Variants in ASCC2 observed in about 807,000 individuals in gnomAD.
ASCC2 encodes activating signal cointegrator 1 complex subunit 2.
In ASCC2, 42 loss-of-function variants were observed where a neutral mutation model predicts 93.5. That is an observed-to-expected ratio of 0.45 (90% CI 0.35 to 0.58). ASCC2 has a LOEUF of 0.58. ASCC2 is among the 20% of genes least tolerant of loss of function. The pLI is 0.00. For missense variants in ASCC2, 859 were observed against 977.6 expected, an observed-to-expected ratio of 0.88 and a Z score of 1.62; for synonymous variants, 364 against 384.2, an observed-to-expected ratio of 0.95 and a Z score of 0.62.
chr22:29,831,258 A>G (rs943534468), intron 2 of ASCC2, among the ~76,000 whole-genome samples: 7 of 152,236 alleles, frequency 4.6e-5, no homozygotes, highest in Non-Finnish European at 4.4e-5. Context: ...GCTTTATAGC[A>G]GAAAGAATTT....
chr22:29,836,854 C>T (rs6006274), intron 1 of ASCC2, among the ~76,000 whole-genome samples: 46,644 of 152,126 alleles, frequency 0.31, 8,347 homozygotes, highest in East Asian at 0.58. Flanking sequence ...CCCGGCCATT[C>T]AAATATTTTT....
In ASCC2 at chr22:29,833,636, C is replaced by T. The variant is rs745925462; in HGVS notation, c.-17-1294G>A. The T allele has an allele frequency of 5.9e-5, 28 of 470,914 alleles. 1 individual carries two copies. Among genetic ancestry groups the T allele is most frequent in the Admixed American group, 4.2e-4 (18 of 42,550 alleles). 29.2% of individuals were successfully genotyped at this position (470,914 alleles called of 1,614,324 possible). ...TGGCCTGACCCACAGAAGGGACATA[C>T]GTGTTAAATGAATCACGGAATAGAA... On this transcript the variant is annotated intron_variant, in intron 1 of 19. Coordinates refer to ENST00000307790, the MANE Select transcript of ASCC2 (RefSeq NM_032204.5).
intron 4 of ASCC2, among the ~76,000 whole-genome samples, chr22:29,822,870 C>T (rs755105918): frequency 4.0e-5 from 6 of 151,416 alleles, no homozygotes; most frequent in Non-Finnish European, 7.4e-5. Flanking sequence ...CAGGCACGTG[C>T]CACAACGCCT....
At chr22:29,791,078 A>C (rs1351184520) in intron 18 of ASCC2, among the ~76,000 whole-genome samples, 1 of 152,152 alleles carries the variant, frequency 6.6e-6, no homozygotes, top group Non-Finnish European at 1.5e-5. Flanking sequence ...CAGTAGCTTT[A>C]AAAAGGAAAA....
At chr22:29,816,097 GA>G in intron 5 of ASCC2, 24 bp from the exon 6 acceptor site, 1 of 1,567,128 alleles carries the variant, frequency 6.4e-7, no homozygotes, top group Non-Finnish European at 8.7e-7. Context: ...AGAAAGGTTG[GA>G]ATTGAGAAAA....
intron 8 of ASCC2, among the ~76,000 whole-genome samples, chr22:29,811,418 T>C (rs545395535): frequency 6.6e-6 from 1 of 152,304 alleles, no homozygotes; most frequent in Non-Finnish European, 1.5e-5. Flanking sequence ...ACCATGTGAA[T>C]GTGTTATTTA....
At position 29,814,752 on chromosome 22, in the gene ASCC2, G is replaced by C. The variant is rs758044097; in HGVS notation, c.625C>G (p.Leu209Val). ...TCCCCTTGCAAACCACAGTGCTGGA[G>C]GATATTGCTGAAGACCTGTGAAAGA... Reference protein sequence around the residue: ...PTILQVFSNILQHCGLQGDGA... With the variant: ...PTILQVFSNIVQHCGLQGDGA... Residue 209 changes from leucine (L) to valine (V), a missense_variant, in exon 7 of 20, where the codon CTC becomes GTC. Transcript: ENST00000307790. 8.1e-6 allele frequency: 13 copies of C among 1,610,896 alleles called. No individual in the cohort carries two copies. In the East Asian group the frequency reaches 2.7e-4, roughly 33 times the overall value.
chr22:29,825,857 C>A lies in ASCC2; in HGVS notation c.82-77G>T. 1 of 1,510,038 alleles carries A rather than the reference C, an allele frequency of 6.6e-7. No homozygotes were observed. Among genetic ancestry groups the A allele is most frequent in the Non-Finnish European group, 8.9e-7 (1 of 1,118,330 alleles). The allele number at this position is 1,510,038 out of a possible 1,614,324, so 93.5% of individuals were successfully genotyped here. ...CCCATTTGCCAACCCACAGCAATGACAACACTTGGCTGTTCCAACCGGTGA... is the reference window on the plus strand; with the variant it reads ...CCCATTTGCCAACCCACAGCAATGAAAACACTTGGCTGTTCCAACCGGTGA... On this transcript the variant is annotated intron_variant, in intron 2 of 19. Transcript: ENST00000307790. This position sits in a 1 kb window ranked among gnomAD's most constrained non-coding sequence, Gnocchi z 4.9.
chr22:29,826,286 A>G lies in ASCC2; in HGVS notation c.82-506T>C, dbSNP rs183304081. Reference sequence around the variant, plus strand: ...ATAGACTTTCCCATTAAAAAAAAAAAAAGAACATATATTCATATATTACTT... The same window carrying G: ...ATAGACTTTCCCATTAAAAAAAAAAGAAGAACATATATTCATATATTACTT... On this transcript the variant is annotated intron_variant, in intron 2 of 19. Coordinates refer to ENST00000307790, the MANE Select transcript of ASCC2 (RefSeq NM_032204.5). 1.8e-4 allele frequency among the ~76,000 whole-genome samples: 27 copies of G among 151,986 alleles called. No individual in the cohort carries two copies. In the South Asian group the frequency reaches 5.4e-3, roughly 30 times the overall value.
chr22:29,806,612 T>C, intron 10 of ASCC2, 59 bp from the exon 11 acceptor site: 2 of 1,537,702 alleles, frequency 1.3e-6, no homozygotes, highest in Non-Finnish European at 9.0e-7. Context: ...TGCAGCTCCT[T>C]TACACACCCG....
At chr22:29,806,941 C>T in intron 9 of ASCC2, 37 bp from the exon 10 acceptor site, 1 of 1,541,308 alleles carries the variant, frequency 6.5e-7, no homozygotes. Flanking sequence ...GTTTAGGAGA[C>T]AAAAAGGCCC....
At chr22:29,816,120 G>A (rs151115809) in intron 5 of ASCC2, 47 bp from the exon 6 acceptor site, 94 of 1,467,182 alleles carry the variant, frequency 6.4e-5, no homozygotes, top group African/African-American at 6.1e-4. Context: ...GTGGGGGCTC[G>A]GGGCAGTGAA....
rs753964419 is a variant in ASCC2 at position 29,793,389 on chromosome 22, T to G, written c.1890A>C (p.Ala630=). Residue 630 remains alanine, a synonymous_variant, in exon 17 of 20, where the codon GCA becomes GCC. Coordinates refer to ENST00000307790, the MANE Select transcript of ASCC2 (RefSeq NM_032204.5). ...YDGNQVGAND[A]DSDDELISRR... ...GGCTGATGAGCTCGTCATCAGAGTC[T>G]GCATCATTGGCGCCCACCTGGTTGC... 2 of 1,613,970 alleles carry G rather than the reference T, an allele frequency of 1.2e-6. No homozygotes were observed. Among genetic ancestry groups the G allele is most frequent in the Non-Finnish European group, 8.5e-7 (1 of 1,180,012 alleles).
Position 29,804,839 on chromosome 22 carries a change from A to G in ASCC2, c.1161-9T>C. 6.2e-7 allele frequency: 1 copy of G among 1,612,572 alleles called. No homozygotes were observed. Among genetic ancestry groups the G allele is most frequent in the Non-Finnish European group, 8.5e-7 (1 of 1,178,772 alleles). On this transcript the variant is annotated splice_polypyrimidine_tract_variant and intron_variant, in intron 12 of 19. Transcript: ENST00000307790. Reference sequence around the variant, plus strand: ...CAGTCCGCGTCTCGTCCCTGTGAGGACTTGTTAAGGGGTCTGTCTTAAGCT... The same window carrying G: ...CAGTCCGCGTCTCGTCCCTGTGAGGGCTTGTTAAGGGGTCTGTCTTAAGCT...
chr22:29,794,348 C>T (rs959273859), intron 15 of ASCC2, among the ~76,000 whole-genome samples: 34 of 152,078 alleles, frequency 2.2e-4, no homozygotes, highest in African/African-American at 6.3e-4. Context: ...AAAAATTAGC[C>T]GGGCATAGTG....
intron 2 of ASCC2, among the ~76,000 whole-genome samples, chr22:29,831,349 TCA>T: frequency 6.6e-6 from 1 of 152,362 alleles, no homozygotes; most frequent in South Asian, 2.1e-4. Context: ...CTCTGAACTC[TCA>T]GTTTCCTCAT....
intron 15 of ASCC2, among the ~76,000 whole-genome samples, chr22:29,797,723 C>G (rs974028345): frequency 2.0e-5 from 3 of 152,160 alleles, no homozygotes; most frequent in African/African-American, 7.2e-5. Context: ...CTGCGACTCC[C>G]CAAAAGGCAG....
rs1451469175 is a variant in ASCC2, at chr22:29,801,001, T to C, written c.1678A>G (p.Lys560Glu). The change falls in exon 15 of 20, where the codon AAG (lysine) becomes GAG (glutamate). Residue 560 changes from lysine (K) to glutamate (E), a missense_variant. Transcript: ENST00000307790. ...GCCCACTGCACTCACCTCTTGCCCT[T>C]GTGCACCCGGCTCAGGTCTACTGAG... is the stretch of plus-strand genomic sequence containing the variant. ...RDSVDLSRVHKGKSTRKEENT... is the reference protein window; with the variant it reads ...RDSVDLSRVHEGKSTRKEENT... 20 of 1,596,532 alleles carry C rather than the reference T, an allele frequency of 1.3e-5. No individual in the cohort carries two copies. Among genetic ancestry groups the C allele is most frequent in the Non-Finnish European group, 1.6e-5 (19 of 1,166,116 alleles).
At chr22:29,827,594 T>C (rs1211841650) in intron 2 of ASCC2, 1 of 470,786 alleles carries the variant, frequency 2.1e-6, no homozygotes, top group Admixed American at 2.4e-5. Context: ...GAGTTACAGG[T>C]ACAAATCTGT....
Sources: allele counts gnomAD v4.1 joint callset (sites outside exome capture counted in the v4.1 genomes callset), GRCh38; gene constraint gnomAD v4.1.1; non-coding constraint Gnocchi (gnomAD v3.1); transcripts MANE v1.5; gene names NCBI Gene and HGNC (gene_info 2026-07-23, HGNC 2026-07-21).